CLASP2: variants seen among roughly 807,000 people sequenced by gnomAD.
CLASP2 encodes cytoplasmic linker associated protein 2.
A neutral mutation model predicts 194.4 loss-of-function variants in CLASP2; 47 were observed. The observed-to-expected ratio is 0.24, with a 90% CI of 0.19 to 0.31. The LOEUF (loss-of-function observed/expected upper bound fraction) is 0.31. Ranked by LOEUF, CLASP2 falls within the 10% of genes least tolerant of loss-of-function variation. The pLI, the probability that CLASP2 is intolerant of heterozygous loss-of-function variation, is 1.00. For synonymous variants in CLASP2, 619 were observed against 633.5 expected (o/e 0.98, Z 0.34); for missense variants, 1,445 against 1,823.6 (o/e 0.79, Z 3.78).
At chr3:33,711,302 G>C (rs532121426) in intron 1 of CLASP2, among the ~76,000 whole-genome samples, 1 of 149,226 alleles carries the variant, frequency 6.7e-6, no homozygotes, top group Non-Finnish European at 1.5e-5. Flanking sequence ...CCAGAGTGTA[G>C]TGTCGCAATC....
chr3:33,511,478 G>A (rs1367366012), intron 36 of CLASP2, among the ~76,000 whole-genome samples: 1 of 152,040 alleles, frequency 6.6e-6, no homozygotes, highest in Non-Finnish European at 1.5e-5. Flanking sequence ...CTCATCTCTA[G>A]GAGTCCTTGA....
chr3:33,535,561 T>G, intron 33 of CLASP2, 100 bp from the exon 34 acceptor site: 1 of 924,936 alleles, frequency 1.1e-6, no homozygotes, highest in Non-Finnish European at 1.6e-6. Context: ...AAGACAATTT[T>G]AAAAAGATAA....
At chr3:33,668,247 T>G (rs988380427) in intron 6 of CLASP2, among the ~76,000 whole-genome samples, 1 of 152,132 alleles carries the variant, frequency 6.6e-6, no homozygotes, top group African/African-American at 2.4e-5. Flanking sequence ...AAAAAACTAT[T>G]TGACTTAATG....
At chr3:33,587,481 T>C (rs1471582934) in intron 21 of CLASP2, among the ~76,000 whole-genome samples, 1 of 152,224 alleles carries the variant, frequency 6.6e-6, no homozygotes, top group Non-Finnish European at 1.5e-5. Context: ...CAATTTATAT[T>C]AATGCTTAAT....
Position 33,708,136 on chromosome 3 carries a change from C to G in CLASP2, c.195+9672G>C, listed in dbSNP as rs144850484. Among the ~76,000 whole-genome samples the G allele has an allele frequency of 5.9e-5, 9 of 152,208 alleles. No homozygotes were observed. The East Asian group carries it at 1.7e-3, about 29-fold the overall frequency. On this transcript the variant is annotated intron_variant, in intron 1 of 38. Coordinates refer to ENST00000682230, the MANE Select transcript of CLASP2 (RefSeq NM_001365631.1). ...AAGTACAATATACATTAACTATAGT[C>G]ACCATACTGTGCATTAGGTTTCCAG...
In CLASP2 at chr3:33,643,992, G is replaced by A. The variant is rs531465329; in HGVS notation, c.862+765C>T. Among the ~76,000 whole-genome samples the A allele has an allele frequency of 5.9e-5, 9 of 152,002 alleles. No individual in the cohort carries two copies. In the South Asian group the frequency reaches 1.4e-3, roughly 24 times the overall value. ...TTTTTAAAAAGGAAAGAAAGGAAAA[G>A]AGAAAGAGATTACTGTCTTTTTAGA... On this transcript the variant is annotated intron_variant, in intron 8 of 38. Transcript: ENST00000682230.
Position 33,609,607 on chromosome 3 carries a change from A to T in CLASP2, c.1389-981T>A, listed in dbSNP as rs765190510. ...TTTTCCTCCACTTTCCCTTAAACAG[A>T]TGCTCACCTGGTTGGTACCAATATT... On this transcript the variant is annotated intron_variant, in intron 13 of 38. Coordinates refer to ENST00000682230, the MANE Select transcript of CLASP2 (RefSeq NM_001365631.1). Among the ~76,000 whole-genome samples the T allele has an allele frequency of 2.6e-4, 40 of 152,264 alleles. No homozygotes were observed. The Middle Eastern group carries it at 0.014, about 52-fold the overall frequency.
intron 30 of CLASP2, among the ~76,000 whole-genome samples, chr3:33,548,768 T>C (rs868657119): frequency 3.2e-4 from 45 of 139,268 alleles, no homozygotes; most frequent in East Asian, 7.9e-4. Context: ...CATTTCTTTT[T>C]TTTTTTTTTT....
At chr3:33,666,281 C>A (rs944763043) in intron 6 of CLASP2, among the ~76,000 whole-genome samples, 1 of 152,152 alleles carries the variant, frequency 6.6e-6, no homozygotes, top group Non-Finnish European at 1.5e-5. Flanking sequence ...CAGAGTTGTG[C>A]AACCAAATAA....
At chr3:33,570,610 T>C in intron 26 of CLASP2, 117 bp downstream of exon 26, 1 of 1,283,054 alleles carries the variant, frequency 7.8e-7, no homozygotes, top group Non-Finnish European at 1.1e-6. Context: ...TAATTATGCT[T>C]GAAAATATTA....
At chr3:33,527,727 T>G (rs1193272600) in intron 34 of CLASP2, among the ~76,000 whole-genome samples, 2 of 152,114 alleles carry the variant, frequency 1.3e-5, no homozygotes, top group Non-Finnish European at 1.5e-5. Context: ...TTTGGGAGGC[T>G]GAGGCAGGCA....
intron 6 of CLASP2, among the ~76,000 whole-genome samples, chr3:33,669,204 A>G (rs1045387866): frequency 6.6e-5 from 10 of 152,232 alleles, no homozygotes; most frequent in African/African-American, 1.9e-4. Context: ...TGTTGGGTCA[A>G]GTGAGTATCC....
chr3:33,666,796 G>C (rs2086249528), intron 6 of CLASP2, among the ~76,000 whole-genome samples: 1 of 152,142 alleles, frequency 6.6e-6, no homozygotes, highest in African/African-American at 2.4e-5. Flanking sequence ...TGTTTCCAAA[G>C]TTGCTGCACC....
At chr3:33,515,452 C>T (rs1326450842) in intron 36 of CLASP2, among the ~76,000 whole-genome samples, 3 of 152,110 alleles carry the variant, frequency 2.0e-5, no homozygotes, top group Non-Finnish European at 4.4e-5. Context: ...TAACAATGAC[C>T]TGCTTGGGCA....
chr3:33,559,435 G>A (rs1032982774), intron 28 of CLASP2, 50 bp from the exon 29 acceptor site: 15 of 997,634 alleles, frequency 1.5e-5, no homozygotes, highest in East Asian at 5.1e-5. Context: ...TAGCAAGTAC[G>A]CATGTAACAG....
chr3:33,519,162 T>C (rs547738707), intron 34 of CLASP2, among the ~76,000 whole-genome samples: 1 of 152,024 alleles, frequency 6.6e-6, no homozygotes, highest in African/African-American at 2.4e-5. Context: ...ACAATTCTGA[T>C]AATATTTTTG....
intron 32 of CLASP2, among the ~76,000 whole-genome samples, chr3:33,540,130 A>G (rs2058093581): frequency 6.6e-6 from 1 of 151,140 alleles, no homozygotes; most frequent in Admixed American, 6.6e-5. Flanking sequence ...GGGTTTCACC[A>G]TGTTGACTAG....
intron 8 of CLASP2, among the ~76,000 whole-genome samples, chr3:33,643,913 G>A (rs2081815705): frequency 6.6e-6 from 1 of 152,010 alleles, no homozygotes; most frequent in African/African-American, 2.4e-5. Context: ...ACCAGTTACT[G>A]TAAACAAGGA....
At chr3:33,582,885 G>C (rs1002863183) in intron 22 of CLASP2, among the ~76,000 whole-genome samples, 3 of 152,112 alleles carry the variant, frequency 2.0e-5, no homozygotes, top group Non-Finnish European at 4.4e-5. Context: ...CCAAATACCA[G>C]GCACAGAATA....
Sources: allele counts gnomAD v4.1 joint callset (sites outside exome capture counted in the v4.1 genomes callset), GRCh38; gene constraint gnomAD v4.1.1; transcripts MANE v1.5; gene names NCBI Gene and HGNC (gene_info 2026-07-23, HGNC 2026-07-21).